LINGO2: variants seen among roughly 807,000 people sequenced by gnomAD.
The protein encoded by LINGO2 is leucine rich repeat and Ig domain containing 2.
Under a neutral mutation model 30.6 loss-of-function variants are expected in LINGO2, and 14 were observed. The ratio of observed to expected loss-of-function variants is 0.46; its 90% confidence interval spans 0.30 to 0.72. The LOEUF is 0.72. Ranked by LOEUF, LINGO2 falls within the 30% of genes least tolerant of loss-of-function variation. The pLI is 0.07. For synonymous variants in LINGO2, 317 were observed against 288.5 expected (o/e 1.10, Z -1.00); for missense variants, 729 against 751.7 (o/e 0.97, Z 0.35).
At chr9:28,263,232 T>C (rs1232029676) in intron 4 of LINGO2, among the ~76,000 whole-genome samples, 2 of 151,984 alleles carry the variant, frequency 1.3e-5, no homozygotes, top group African/African-American at 2.4e-5. Context: ...TCTTGTCTCT[T>C]TCCTCTAGAT....
At chr9:28,874,421 A>AC in the LINGO2 span, among the ~76,000 whole-genome samples, 3 of 152,110 alleles carry the variant, frequency 2.0e-5, no homozygotes, top group African/African-American at 4.8e-5. Context: ...TTTACCAAAC[A>AC]TTTGTTAACT....
the LINGO2 span, among the ~76,000 whole-genome samples, chr9:28,947,400 T>G: frequency 6.6e-6 from 1 of 152,116 alleles, no homozygotes; most frequent in Non-Finnish European, 1.5e-5. Context: ...GGATGAGGTT[T>G]TAATTTCTCT....
chr9:27,985,677 A>G (rs1383881883), intron 5 of LINGO2, among the ~76,000 whole-genome samples: 1 of 151,790 alleles, frequency 6.6e-6, no homozygotes, highest in African/African-American at 2.4e-5. Flanking sequence ...TACTTCTATG[A>G]TGATGATGAT....
At chr9:28,515,982 C>T (rs140812217) in intron 1 of LINGO2, among the ~76,000 whole-genome samples, 388 of 152,254 alleles carry the variant, frequency 2.5e-3, no homozygotes, top group African/African-American at 8.9e-3. Context: ...GATCAGTCAG[C>T]GGCCATCAAC....
intron 4 of LINGO2, among the ~76,000 whole-genome samples, chr9:28,212,523 T>G (rs1820627245): frequency 6.6e-6 from 1 of 151,398 alleles, no homozygotes; most frequent in Non-Finnish European, 1.5e-5. Context: ...AAAAAAATTG[T>G]GTATCTTCCT....
chr9:27,984,556 G>A (rs1054715515), intron 5 of LINGO2, among the ~76,000 whole-genome samples: 1 of 151,752 alleles, frequency 6.6e-6, no homozygotes, highest in Non-Finnish European at 1.5e-5. Flanking sequence ...GTGGTCTGAG[G>A]GAATATAGAA....
chr9:28,613,321 G>C lies in LINGO2; in HGVS notation c.-365+56879C>G, dbSNP rs560752163. ...GTATACATAAATACGTATCACAAAT[G>C]ACTATACATATGTATTTTCTAAATG... On this transcript the variant is annotated intron_variant, in intron 1 of 5. Transcript: ENST00000379992. Among the ~76,000 whole-genome samples the C allele has an allele frequency of 7.2e-5, 11 of 151,848 alleles. No individual in the cohort carries two copies. The South Asian group carries it at 1.0e-3, about 14-fold the overall frequency.
intron 4 of LINGO2, among the ~76,000 whole-genome samples, chr9:28,241,294 A>G (rs75697801): frequency 6.6e-5 from 3 of 45,182 alleles, no homozygotes; most frequent in African/African-American, 4.5e-4. Context: ...AAAAAAAAAG[A>G]AAAAAGAAAA....
intron 5 of LINGO2, among the ~76,000 whole-genome samples, chr9:27,981,356 TTA>T (rs1491366049): frequency 1.3e-5 from 2 of 151,262 alleles, no homozygotes; most frequent in Non-Finnish European, 3.0e-5. Context: ...AACTTTCCCC[TTA>T]TCACACAGAT....
the LINGO2 span, among the ~76,000 whole-genome samples, chr9:28,787,408 G>A: frequency 6.6e-6 from 1 of 152,092 alleles, no homozygotes; most frequent in Non-Finnish European, 1.5e-5. Context: ...GCTATATATA[G>A]AATAAATTCT....
chr9:28,038,542 A>C (rs1381142931), intron 4 of LINGO2, among the ~76,000 whole-genome samples: 2 of 152,006 alleles, frequency 1.3e-5, no homozygotes, highest in Admixed American at 1.3e-4. Flanking sequence ...AAATACAAAA[A>C]ATTAGCCGGG....
At chr9:28,287,925 T>G (rs1158764173) in intron 4 of LINGO2, among the ~76,000 whole-genome samples, 1 of 152,252 alleles carries the variant, frequency 6.6e-6, no homozygotes, top group South Asian at 2.1e-4. Flanking sequence ...ATGTATTGAT[T>G]TTCACTGGAA....
intron 4 of LINGO2, among the ~76,000 whole-genome samples, chr9:28,211,953 A>G (rs567337761): frequency 4.0e-5 from 6 of 150,312 alleles, no homozygotes; most frequent in African/African-American, 1.2e-4. Context: ...GATTACTTTC[A>G]GTGGCAAAAA....
intron 1 of LINGO2, among the ~76,000 whole-genome samples, chr9:28,572,279 C>A (rs1478494145): frequency 6.6e-6 from 1 of 152,026 alleles, no homozygotes; most frequent in African/African-American, 2.4e-5. Context: ...TCTCTCTGGA[C>A]AGTACTTATT....
At position 28,606,379 on chromosome 9, in the gene LINGO2, G is replaced by C. The variant is rs534043295; in HGVS notation, c.-365+63821C>G. On this transcript the variant is annotated intron_variant, in intron 1 of 5. Coordinates refer to ENST00000379992, the Ensembl canonical transcript of LINGO2. The stretch of plus-strand genomic sequence containing the variant: ...TAAATGACTTTACTGGAGAATAAAT[G>C]ACTTTACTGGAGACTCTACTGGAGA... Among the ~76,000 whole-genome samples, 96 of 152,016 alleles carry C rather than the reference G, an allele frequency of 6.3e-4. 1 individual carries two copies. Among genetic ancestry groups the C allele is most frequent in the Non-Finnish European group, 8.4e-4 (57 of 67,872 alleles).
chr9:28,310,132 C>A (rs906528585), intron 3 of LINGO2, among the ~76,000 whole-genome samples: 2 of 152,060 alleles, frequency 1.3e-5, no homozygotes, highest in African/African-American at 4.8e-5. Context: ...ATTATATAAT[C>A]CAGCTTAAAA....
chr9:28,104,125 A>G (rs16912489), intron 4 of LINGO2, among the ~76,000 whole-genome samples: 1 of 151,646 alleles, frequency 6.6e-6, no homozygotes, highest in Non-Finnish European at 1.5e-5. Context: ...AAAAGCAATG[A>G]CTCCTTGTCC....
At chr9:28,841,694 T>A in the LINGO2 span, among the ~76,000 whole-genome samples, 1 of 151,568 alleles carries the variant, frequency 6.6e-6, no homozygotes, top group Non-Finnish European at 1.5e-5. Flanking sequence ...TTTAAACAGA[T>A]GAACAGAGAA....
At chr9:29,090,692 C>T in the LINGO2 span, among the ~76,000 whole-genome samples, 1 of 151,894 alleles carries the variant, frequency 6.6e-6, no homozygotes, top group Non-Finnish European at 1.5e-5. Flanking sequence ...AAAATAACAA[C>T]CCAGAAATTT....
Sources: allele counts gnomAD v4.1 joint callset (sites outside exome capture counted in the v4.1 genomes callset), GRCh38; gene constraint gnomAD v4.1.1; transcripts MANE v1.5; gene names NCBI Gene and HGNC (gene_info 2026-07-23, HGNC 2026-07-21).